Variants in SMIM35 observed in about 807,000 individuals in gnomAD.
SMIM35 encodes the protein small integral membrane protein 35.
In SMIM35 at chr11:118,074,135, G is replaced by A. The variant is rs1031207238; in HGVS notation, c.7+12616C>T. On this transcript the variant is annotated intron_variant, in intron 1 of 4. Transcript: ENST00000689828. ...AATATTCAGCAAAATTTACAAAAAC[G>A]TATGATTGTGTGAACATATTGCCGG... is the stretch of plus-strand genomic sequence containing the variant. Among the ~76,000 whole-genome samples, 6 of 152,156 alleles carry A rather than the reference G, an allele frequency of 3.9e-5. No individual in the cohort carries two copies. In the South Asian group the frequency reaches 8.3e-4, roughly 21 times the overall value.
intron 1 of SMIM35, among the ~76,000 whole-genome samples, chr11:118,074,761 A>T (rs1221427620): frequency 6.6e-6 from 1 of 151,722 alleles, no homozygotes; most frequent in Admixed American, 6.6e-5. Flanking sequence ...AAAAAAAAAA[A>T]AAAAGAATGT....
chr11:118,073,633 G>GC (rs1276551388), intron 1 of SMIM35, among the ~76,000 whole-genome samples: 1 of 152,226 alleles, frequency 6.6e-6, no homozygotes, highest in African/African-American at 2.4e-5. Flanking sequence ...GCAGGGACAG[G>GC]AGGCAGCCCC....
intron 1 of SMIM35, among the ~76,000 whole-genome samples, chr11:118,017,741 T>C (rs185755912): frequency 0.023 from 3,246 of 141,194 alleles, 253 homozygotes; most frequent in East Asian, 0.22. Flanking sequence ...TGACTCACAG[T>C]TCAGCATGGC....
intron 1 of SMIM35, among the ~76,000 whole-genome samples, chr11:118,056,905 C>T (rs1015507620): frequency 1.3e-5 from 2 of 152,082 alleles, no homozygotes; most frequent in Non-Finnish European, 2.9e-5. Flanking sequence ...GCCAGACCAC[C>T]GAGGGGTGTA....
chr11:118,058,435 C>A (rs988993291), intron 1 of SMIM35, among the ~76,000 whole-genome samples: 1 of 152,136 alleles, frequency 6.6e-6, no homozygotes, highest in Non-Finnish European at 1.5e-5. Context: ...CAGGCCTGGG[C>A]AGGTGGGCAG....
At chr11:118,037,538 A>T (rs1943924788) in intron 1 of SMIM35, among the ~76,000 whole-genome samples, 1 of 152,094 alleles carries the variant, frequency 6.6e-6, no homozygotes, top group African/African-American at 2.4e-5. Flanking sequence ...CTCAGTGACG[A>T]TTCTGGATTG....
intron 4 of SMIM35, among the ~76,000 whole-genome samples, chr11:118,011,691 C>A (rs2058151495): frequency 6.6e-6 from 1 of 151,736 alleles, no homozygotes; most frequent in African/African-American, 2.4e-5. Context: ...GACTCCATCT[C>A]AAAAAAAGAA....
intron 1 of SMIM35, among the ~76,000 whole-genome samples, chr11:118,032,171 A>G (rs2058325421): frequency 2.0e-5 from 3 of 152,144 alleles, no homozygotes; most frequent in South Asian, 2.1e-4. Flanking sequence ...ATAAAAAGAC[A>G]TGACAACTAA....
intron 1 of SMIM35, chr11:118,028,889 A>G: frequency 2.3e-6 from 1 of 439,750 alleles, no homozygotes. Context: ...GAGAAGAAGG[A>G]GGAGGGGAAG....
chr11:118,068,528 G>T (rs1232686098), intron 1 of SMIM35, among the ~76,000 whole-genome samples: 3 of 152,214 alleles, frequency 2.0e-5, no homozygotes, highest in Non-Finnish European at 4.4e-5. Context: ...AGAGACGGGG[G>T]TGAGGCCAAG....
chr11:118,046,914 A>G (rs1944106316), intron 1 of SMIM35, among the ~76,000 whole-genome samples: 1 of 152,222 alleles, frequency 6.6e-6, no homozygotes, highest in South Asian at 2.1e-4. Flanking sequence ...GAACATACTT[A>G]AGTTTAGAGA....
chr11:118,057,727 A>G (rs2086496821), intron 1 of SMIM35, among the ~76,000 whole-genome samples: 1 of 152,196 alleles, frequency 6.6e-6, no homozygotes, highest in Non-Finnish European at 1.5e-5. Context: ...CAAAGCCAGG[A>G]AGGAGCTGAT....
intron 1 of SMIM35, among the ~76,000 whole-genome samples, chr11:118,084,521 G>A (rs1256695688): frequency 6.6e-6 from 1 of 152,204 alleles, no homozygotes; most frequent in Non-Finnish European, 1.5e-5. Context: ...CAGGAGATTG[G>A]CTGCAGCAGC....
intron 1 of SMIM35, among the ~76,000 whole-genome samples, chr11:118,072,331 G>T (rs924454987): frequency 3.3e-5 from 5 of 152,084 alleles, no homozygotes; most frequent in African/African-American, 1.2e-4. Flanking sequence ...TCTACTAAAA[G>T]AAAAAAGTTA....
At chr11:118,008,580 C>T (rs1386265621) in intron 4 of SMIM35, among the ~76,000 whole-genome samples, 3 of 152,234 alleles carry the variant, frequency 2.0e-5, no homozygotes, top group Non-Finnish European at 4.4e-5. Flanking sequence ...ATAGAAAAAT[C>T]GTCATCTGTG....
intron 1 of SMIM35, among the ~76,000 whole-genome samples, chr11:118,072,428 C>T (rs555267976): frequency 6.6e-6 from 1 of 152,328 alleles, no homozygotes; most frequent in South Asian, 2.1e-4. Context: ...GCAGAGGTTG[C>T]AGTGAGCGGA....
chr11:118,067,860 CATATATATATATATATATAT>C (rs57497227), intron 1 of SMIM35, among the ~76,000 whole-genome samples: 78 of 80,958 alleles, frequency 9.6e-4, no homozygotes, highest in East Asian at 1.9e-3. Flanking sequence ...CAACAACAAA[CATATATATATATATATATAT>C]ATATATATAT....
At chr11:118,071,659 A>G (rs1172098359) in intron 1 of SMIM35, among the ~76,000 whole-genome samples, 1 of 152,224 alleles carries the variant, frequency 6.6e-6, no homozygotes, top group Non-Finnish European at 1.5e-5. Flanking sequence ...ACTTGGGTTC[A>G]AAGGGAAGAA....
chr11:118,080,892 A>G (rs1322331167), intron 1 of SMIM35, among the ~76,000 whole-genome samples: 1 of 152,222 alleles, frequency 6.6e-6, no homozygotes, highest in African/African-American at 2.4e-5. Context: ...CATCAGCCTC[A>G]GTAAAACGCT....
Sources: gnomAD v4.1 joint callset for allele counts (sites outside exome capture counted in the v4.1 genomes callset) on GRCh38, gnomAD v4.1.1 for gene constraint, MANE v1.5 for transcripts, NCBI Gene and HGNC (gene_info 2026-07-23, HGNC 2026-07-21) for gene names.